OR51M1: variants seen among roughly 807,000 people sequenced by gnomAD.
OR51M1 encodes the protein olfactory receptor 51M1.
For missense variants in OR51M1, 509 were observed against 404.4 expected, an observed-to-expected ratio of 1.26 and a Z score of -2.22; for synonymous variants, 199 against 155.1, an observed-to-expected ratio of 1.28 and a Z score of -2.10.
rs776092547 is a variant in OR51M1, at chr11:5,391,180, G to A, written c.*801G>A. ...TTGAAGTCACAATCCCATTGCTCAG[G>A]AGGAAATAAACTTTACATTGGCTGA... On this transcript the variant is annotated 3_prime_UTR_variant, in exon 3 of 3. Transcript: ENST00000642046. 9 of 152,242 alleles carry A rather than the reference G, an allele frequency of 5.9e-5. No individual in the cohort carries two copies. Among genetic ancestry groups the A allele is most frequent in the Non-Finnish European group, 1.2e-4 (8 of 68,050 alleles). 9.4% of individuals were successfully genotyped at this position (152,242 alleles called of 1,614,324 possible). A position where few individuals can be genotyped will look rare whatever the true frequency, so the allele number is the denominator to read the frequency against.
chr11:5,391,192 T>G lies in OR51M1; in HGVS notation c.*813T>G, dbSNP rs187239463. On this transcript the variant is annotated 3_prime_UTR_variant, in exon 3 of 3. Coordinates refer to ENST00000642046, the MANE Select transcript of OR51M1 (RefSeq NM_001004756.3). The stretch of plus-strand genomic sequence containing the variant: ...TCCCATTGCTCAGGAGGAAATAAAC[T>G]TTACATTGGCTGATCAGCCTGTCCC... The G allele has an allele frequency of 1.3e-4, 20 of 152,340 alleles. 1 individual carries two copies. The East Asian group carries it at 3.9e-3, about 29-fold the overall frequency. The allele number at this position is 152,340 out of a possible 1,614,324, so 9.4% of individuals were successfully genotyped here.
chr11:5,387,827 T>A (rs1849722472), intron 2 of OR51M1, among the ~76,000 whole-genome samples: 1 of 152,170 alleles, frequency 6.6e-6, no homozygotes, highest in Non-Finnish European at 1.5e-5. Flanking sequence ...CTACCCTATA[T>A]AAAATGCATC....
At position 5,390,328 on chromosome 11, in the gene OR51M1, G is replaced by C; in HGVS notation, c.930G>C (p.Glu310Asp). The change falls in exon 3 of 3, where the codon GAG becomes GAC. Residue 310 changes from glutamate (E) to aspartate (D), a missense_variant. Glu to Asp is a conservative substitution (Grantham distance 45). Coordinates refer to ENST00000642046, the MANE Select transcript of OR51M1 (RefSeq NM_001004756.3). ...TCATATACAGCATTAAGACCAAGGA[G>C]ATCCACCGTGCCATTATCAAGTTCC... is the stretch of plus-strand genomic sequence containing the variant. ...NPIIYSIKTKEIHRAIIKFLG... is the reference protein window; with the variant it reads ...NPIIYSIKTKDIHRAIIKFLG... 1 of 1,612,774 alleles carries C rather than the reference G, an allele frequency of 6.2e-7. No homozygotes were observed. The highest frequency in any genetic ancestry group is 1.7e-5 in the Admixed American group (1 of 59,866).
intron 2 of OR51M1, among the ~76,000 whole-genome samples, chr11:5,388,563 C>A (rs1035776738): frequency 3.4e-5 from 5 of 146,432 alleles, no homozygotes; most frequent in Non-Finnish European, 7.5e-5. Context: ...ACTAGATAAA[C>A]TGGAAGAATT....
intron 2 of OR51M1, among the ~76,000 whole-genome samples, chr11:5,388,546 C>A (rs1849737794): frequency 6.9e-6 from 1 of 144,832 alleles, no homozygotes; most frequent in Admixed American, 7.0e-5. Context: ...TACCTATGAG[C>A]AAGCATACTA....
At position 5,389,590 on chromosome 11, in the gene OR51M1, C is replaced by G. The variant is rs1173009557; in HGVS notation, c.192C>G (p.Asn64Lys). 1.2e-6 allele frequency: 2 copies of G among 1,613,834 alleles called. No individual in the cohort carries two copies. The highest frequency in any genetic ancestry group is 1.7e-6 in the Non-Finnish European group (2 of 1,179,838). Residue 64 changes from asparagine to lysine, a missense_variant, in exon 3 of 3, where the codon AAC becomes AAG. Coordinates refer to ENST00000642046, the MANE Select transcript of OR51M1 (RefSeq NM_001004756.3). ...TCATTCTGATCATTATTAAGACCAA[C>G]CCTCGTCTGCACACACCCATGTACT... The part of the protein sequence containing the change: ...NCFILIIIKT[N>K]PRLHTPMYYL...
At chr11:5,384,583 A>G (rs750790991) in intron 1 of OR51M1, among the ~76,000 whole-genome samples, 16 of 152,212 alleles carry the variant, frequency 1.1e-4, no homozygotes, top group South Asian at 2.1e-4. Context: ...TCCCTGGATC[A>G]TGTCTAGAAG....
intron 2 of OR51M1, among the ~76,000 whole-genome samples, chr11:5,388,062 T>A (rs1433009683): frequency 6.6e-6 from 1 of 152,176 alleles, no homozygotes; most frequent in Non-Finnish European, 1.5e-5. Flanking sequence ...TGTAATACAA[T>A]TTCAATATGT....
In OR51M1 at chr11:5,390,135, A is replaced by AGCGCCGTGCCTTTCAGACAT. The variant is rs745782139; in HGVS notation, c.740_759dup (p.Thr254AlafsTer15). ...GCAGGCCTGGCCTCCCAAGAGGAGC[A>AGCGCCGTGCCTTTCAGACAT]GCGCCGTGCCTTTCAGACATGCACC... On this transcript the variant is annotated frameshift_variant, in exon 3 of 3. Coordinates refer to ENST00000642046, the MANE Select transcript of OR51M1 (RefSeq NM_001004756.3). LOFTEE classifies it low-confidence loss of function (END_TRUNC). 2 of 1,613,818 alleles carry AGCGCCGTGCCTTTCAGACAT rather than the reference A, an allele frequency of 1.2e-6. No homozygotes were observed. Among genetic ancestry groups the AGCGCCGTGCCTTTCAGACAT allele is most frequent in the South Asian group, 2.2e-5 (2 of 91,076 alleles).
At chr11:5,387,314 T>C (rs1849710187) in intron 2 of OR51M1, among the ~76,000 whole-genome samples, 1 of 152,004 alleles carries the variant, frequency 6.6e-6, no homozygotes, top group South Asian at 2.1e-4. Context: ...TGATTAAGAC[T>C]CTCCATTGCA....
rs1173009557 is a variant in OR51M1, at chr11:5,389,590, C to A, written c.192C>A (p.Asn64Lys). 1 of 1,613,716 alleles carries A rather than the reference C, an allele frequency of 6.2e-7. No homozygotes were observed. Among genetic ancestry groups the A allele is most frequent in the Non-Finnish European group, 8.5e-7 (1 of 1,179,846 alleles). ...NCFILIIIKT[N>K]PRLHTPMYYL... Reference sequence around the variant, plus strand: ...TCATTCTGATCATTATTAAGACCAACCCTCGTCTGCACACACCCATGTACT... The same window carrying A: ...TCATTCTGATCATTATTAAGACCAAACCTCGTCTGCACACACCCATGTACT... Residue 64 changes from asparagine (N) to lysine (K), a missense_variant, in exon 3 of 3, where the codon AAC becomes AAA. Physicochemically the swap from Asn to Lys is moderately conservative, Grantham distance 94 (BLOSUM62 0). Transcript: ENST00000642046.
intron 1 of OR51M1, 129 bp from the exon 2 acceptor site, chr11:5,385,224 A>G (rs1025392719): frequency 6.6e-6 from 1 of 152,194 alleles, no homozygotes; most frequent in Admixed American, 6.5e-5. Context: ...GACATGAAAA[A>G]ATGACTGTTG....
intron 1 of OR51M1, among the ~76,000 whole-genome samples, chr11:5,384,539 C>T (rs1849655592): frequency 1.3e-5 from 2 of 152,166 alleles, no homozygotes; most frequent in Non-Finnish European, 2.9e-5. Flanking sequence ...TGCCTCACTC[C>T]CCTGATGAGT....
In OR51M1 at chr11:5,390,257, C is replaced by T. The variant is rs772494292; in HGVS notation, c.859C>T (p.Leu287Phe). The change falls in exon 3 of 3, where the codon CTT becomes TTT. Residue 287 changes from leucine to phenylalanine, a missense_variant. Leu to Phe is a conservative substitution (Grantham distance 22). Transcript: ENST00000642046. ...GKHAPPAIHL[L>F]MANVYLFVPP... The stretch of plus-strand genomic sequence containing the variant: ...GCATGCCCCACCTGCTATTCATCTT[C>T]TTATGGCCAATGTCTACCTTTTTGT... The T allele has an allele frequency of 6.2e-7, 1 of 1,614,052 alleles. No individual in the cohort carries two copies.
intron 1 of OR51M1, among the ~76,000 whole-genome samples, chr11:5,384,641 C>A (rs933919106): frequency 1.3e-5 from 2 of 152,224 alleles, no homozygotes; most frequent in African/African-American, 4.8e-5. Context: ...CCTGCCGAGC[C>A]ATCTGGTATA....
chr11:5,387,317 C>G (rs1232473338), intron 2 of OR51M1, among the ~76,000 whole-genome samples: 1 of 152,068 alleles, frequency 6.6e-6, no homozygotes, highest in Non-Finnish European at 1.5e-5. Context: ...TTAAGACTCT[C>G]CATTGCATTT....
Position 5,390,152 on chromosome 11 carries a change from A to T in OR51M1, c.754A>T (p.Thr252Ser). ...SQEEQRRAFQ[T>S]CTAPLCAVLV... ...AGAGGAGCAGCGCCGTGCCTTTCAGACATGCACCGCTCCTCTCTGTGCTGT... is the reference window on the plus strand; with the variant it reads ...AGAGGAGCAGCGCCGTGCCTTTCAGTCATGCACCGCTCCTCTCTGTGCTGT... Residue 252 changes from threonine to serine, a missense_variant, in exon 3 of 3, where the codon ACA (threonine) becomes TCA (serine). Physicochemically the swap from Thr to Ser is moderately conservative, Grantham distance 58. Transcript: ENST00000642046. 6.2e-7 allele frequency: 1 copy of T among 1,613,870 alleles called. No individual in the cohort carries two copies. The highest frequency in any genetic ancestry group is 1.1e-5 in the South Asian group (1 of 91,074).
intron 1 of OR51M1, among the ~76,000 whole-genome samples, chr11:5,384,446 A>T (rs1411181172): frequency 1.3e-5 from 2 of 152,214 alleles, no homozygotes; most frequent in Non-Finnish European, 2.9e-5. Context: ...AGCCAGAGAA[A>T]GAACAGAAAA....
At chr11:5,384,227 T>G in intron 1 of OR51M1, among the ~76,000 whole-genome samples, 1 of 152,288 alleles carries the variant, frequency 6.6e-6, no homozygotes, top group Admixed American at 6.5e-5. Flanking sequence ...CAGGCTACAG[T>G]GCAGTGGTGT....
Sources: allele counts gnomAD v4.1 joint callset (sites outside exome capture counted in the v4.1 genomes callset), GRCh38; gene constraint gnomAD v4.1.1; transcripts MANE v1.5; gene names NCBI Gene and HGNC (gene_info 2026-07-23, HGNC 2026-07-21).